Variants in RAP1GAP observed in about 807,000 individuals in gnomAD.
The protein encoded by RAP1GAP is RAP1 GTPase activating protein, also known as rap1 GTPase-activating protein 1.
In RAP1GAP, 35 loss-of-function variants were observed where a neutral mutation model predicts 87.2. The observed-to-expected ratio is 0.40, with a 90% confidence interval of 0.31 to 0.53. RAP1GAP has a LOEUF of 0.53. Among genes scored for constraint, RAP1GAP ranks in the 20% least tolerant of loss-of-function variants. The pLI, the probability that RAP1GAP is intolerant of heterozygous loss-of-function variation, is 0.48. For synonymous variants in RAP1GAP, 375 were observed against 363.9 expected, an observed-to-expected ratio of 1.03 and a Z score of -0.35; for missense variants, 734 against 898.9, an observed-to-expected ratio of 0.82 and a Z score of 2.35.
Position 21,651,720 on chromosome 1 carries a change from C to A in RAP1GAP, c.-148-1924G>T, listed in dbSNP as rs2096582771. 22 of 1,453,850 alleles carry A rather than the reference C, an allele frequency of 1.5e-5. No individual in the cohort carries two copies. The South Asian group carries it at 2.6e-4, about 17-fold the overall frequency. The allele number at this position is 1,453,850 out of a possible 1,614,324, so 90.1% of individuals were successfully genotyped here. A position where few individuals can be genotyped will look rare whatever the true frequency, so the allele number is the denominator to read the frequency against. ...GAGCACACCCCGCACGGGCTCCCCC[C>A]CACGCGTGCACACGCACACGCGCGC... On this transcript the variant is annotated intron_variant, in intron 1 of 24. Coordinates refer to ENST00000374765, the MANE Select transcript of RAP1GAP (RefSeq NM_002885.4).
chr1:21,612,254 A>C, intron 10 of RAP1GAP, 145 bp from the exon 11 acceptor site: 1 of 689,492 alleles, frequency 1.5e-6, no homozygotes, highest in Non-Finnish European at 2.6e-6. Flanking sequence ...GAGACAGTCC[A>C]GCTGTCCCCT....
chr1:21,609,300 C>T lies in RAP1GAP; in HGVS notation c.1071+275G>A, dbSNP rs555174013. 1.3e-5 allele frequency among the ~76,000 whole-genome samples: 2 copies of T among 151,394 alleles called. No homozygotes were observed. The highest frequency in any genetic ancestry group is 4.2e-4 in the South Asian group (2 of 4,812). ...AAACATTTTAGAAGAAAGAAAGAGA[C>T]TGGAACTGTCAGAAAGAGAACAGAA... On this transcript the variant is annotated intron_variant, in intron 15 of 24. Transcript: ENST00000374765. The surrounding 1 kb of genome is among the most constrained non-coding windows in gnomAD (Gnocchi z 4.4).
intron 17 of RAP1GAP, among the ~76,000 whole-genome samples, chr1:21,607,541 T>A: frequency 8.4e-6 from 1 of 118,364 alleles, no homozygotes; most frequent in African/African-American, 3.0e-5. Flanking sequence ...TTCACACACC[T>A]CTTCTGAGAA....
In RAP1GAP at chr1:21,600,926, G is replaced by A. The variant is rs142450619; in HGVS notation, c.1652+758C>T. 4.4e-3 allele frequency among the ~76,000 whole-genome samples: 624 copies of A among 141,506 alleles called. 4 individuals are homozygous for A. Among genetic ancestry groups the A allele is most frequent in the African/African-American group, 0.016 (594 of 37,862 alleles). 92.8% of individuals were successfully genotyped at this position (141,506 alleles called of 152,430 possible). A position where few individuals can be genotyped will look rare whatever the true frequency, so the allele number is the denominator to read the frequency against. On this transcript the variant is annotated intron_variant, in intron 20 of 24. Transcript: ENST00000374765. ...TCAAAGCTCTTGTACAGCCTGCTAA[G>A]CTATAAGCCAGTGTCTGCCCACCTC...
chr1:21,602,785 C>A lies in RAP1GAP; in HGVS notation c.1538+19G>T. 2 of 1,584,214 alleles carry A rather than the reference C, an allele frequency of 1.3e-6. No homozygotes were observed. Among genetic ancestry groups the A allele is most frequent in the Non-Finnish European group, 1.7e-6 (2 of 1,162,840 alleles). Reference sequence around the variant, plus strand: ...GATGGGGATGCAGGGGAATGGGGCACTGTCCCCCACTCACCCACCTCTTCT... The same window carrying A: ...GATGGGGATGCAGGGGAATGGGGCAATGTCCCCCACTCACCCACCTCTTCT... On this transcript the variant is annotated intron_variant, in intron 19 of 24. Coordinates refer to ENST00000374765, the MANE Select transcript of RAP1GAP (RefSeq NM_002885.4).
intron 17 of RAP1GAP, 142 bp from the exon 18 acceptor site, chr1:21,606,339 G>T: frequency 8.0e-7 from 1 of 1,255,602 alleles, no homozygotes; most frequent in Non-Finnish European, 1.1e-6. Context: ...TGGGCATGTG[G>T]CCAGCAGGGC....
At chr1:21,638,970 A>G (rs886124535) in intron 2 of RAP1GAP, among the ~76,000 whole-genome samples, 1 of 152,178 alleles carries the variant, frequency 6.6e-6, no homozygotes, top group African/African-American at 2.4e-5. Context: ...TTTCCCCTAC[A>G]TTAGGCATTA....
rs2096869226 is a variant in RAP1GAP, at chr1:21,656,447, A to AAC, written c.-148-6652_-148-6651insGT. On this transcript the variant is annotated intron_variant, in intron 1 of 24. Coordinates refer to ENST00000374765, the MANE Select transcript of RAP1GAP (RefSeq NM_002885.4). ...AAAAAAAAAAAAAAAAAAAAAAAAA[A>AAC]AAAAAAAGACCTAACAACGGAAAGA... Among the ~76,000 whole-genome samples the AAC allele has an allele frequency of 6.4e-5, 8 of 125,774 alleles. 1 individual carries two copies. Among genetic ancestry groups the AAC allele is most frequent in the African/African-American group, 9.0e-5 (3 of 33,434 alleles). 82.5% of individuals were successfully genotyped at this position (125,774 alleles called of 152,430 possible).
At position 21,596,803 on chromosome 1, in the gene RAP1GAP, C is replaced by T. The variant is rs1417976352; in HGVS notation, c.*496G>A. The T allele has an allele frequency of 6.6e-6, 1 of 152,312 alleles. No homozygotes were observed. Among genetic ancestry groups the T allele is most frequent in the Non-Finnish European group, 1.5e-5 (1 of 68,124 alleles). The allele number at this position is 152,312 out of a possible 1,614,324, so 9.4% of individuals were successfully genotyped here. On this transcript the variant is annotated 3_prime_UTR_variant, in exon 25 of 25. Transcript: ENST00000374765. ...GCCCAGAGAGGGAGAGTGACTTGCC[C>T]AGAGTCACACAGCAGAACCCAAATT...
chr1:21,663,400 C>A (rs1190141088), intron 1 of RAP1GAP, among the ~76,000 whole-genome samples: 3 of 152,230 alleles, frequency 2.0e-5, no homozygotes, highest in Non-Finnish European at 2.9e-5. Context: ...GGACCTCCAA[C>A]ACAGGGGAAG....
Position 21,649,769 on chromosome 1 carries a change from C to A in RAP1GAP, c.-121G>T. ...GAGTCCCCAGTACTCACCACACACT[C>A]CGGCGAGAAGTGAAGGACTTGTCCA... On this transcript the variant is annotated 5_prime_UTR_variant, in exon 2 of 25. Transcript: ENST00000374765. 6.4e-7 allele frequency: 1 copy of A among 1,552,556 alleles called. No individual in the cohort carries two copies. The highest frequency in any genetic ancestry group is 8.7e-7 in the Non-Finnish European group (1 of 1,147,546).
intron 2 of RAP1GAP, among the ~76,000 whole-genome samples, chr1:21,631,949 C>A (rs1332412631): frequency 6.6e-6 from 1 of 152,186 alleles, no homozygotes; most frequent in Admixed American, 6.5e-5. Flanking sequence ...CTGCAGCCAC[C>A]GCCAAGCGCC....
At chr1:21,626,831 C>T (rs1390889398) in intron 2 of RAP1GAP, 6 of 452,696 alleles carry the variant, frequency 1.3e-5, no homozygotes, top group Non-Finnish European at 2.2e-5. Context: ...ATGACAGTGA[C>T]CGTGACCATA....
rs772681310 is a variant in RAP1GAP, at chr1:21,611,503, G to A, written c.792C>T (p.Ile264=). The A allele has an allele frequency of 1.9e-6, 3 of 1,614,214 alleles. No individual in the cohort carries two copies. Among genetic ancestry groups the A allele is most frequent in the Non-Finnish European group, 1.7e-6 (2 of 1,180,032 alleles). ...GCAGCTTGGTGGACACGTGAAACAT[G>A]ATCTCCTTGTTGCGGAAGTTGCAGT... is the stretch of plus-strand genomic sequence containing the variant. ...SVYCNFRNKE[I]MFHVSTKLPY... is the part of the protein sequence containing the mutation. Residue 264 remains isoleucine, a synonymous_variant, in exon 13 of 25, where the codon ATC becomes ATT. Transcript: ENST00000374765.
chr1:21,601,635 C>G, intron 20 of RAP1GAP, 49 bp downstream of exon 20: 1 of 1,421,954 alleles, frequency 7.0e-7, no homozygotes, highest in Non-Finnish European at 9.7e-7. Flanking sequence ...AGGGGAAGGA[C>G]GGTTCACCAC....
intron 2 of RAP1GAP, among the ~76,000 whole-genome samples, chr1:21,626,737 C>T (rs2092263896): frequency 6.6e-6 from 1 of 152,154 alleles, no homozygotes; most frequent in African/African-American, 2.4e-5. Flanking sequence ...CAGGGTGCCC[C>T]CGCCTCTACA....
rs150728773 is a variant in RAP1GAP at position 21,604,717 on chromosome 1, G to A, written c.1428+1349C>T. The stretch of plus-strand genomic sequence containing the variant: ...AGGTCGGGGAATTCCCTCCTGCCAC[G>A]TGACATAGCCTCACAGCACTGAGCG... On this transcript the variant is annotated intron_variant, in intron 18 of 24. Coordinates refer to ENST00000374765, the MANE Select transcript of RAP1GAP (RefSeq NM_002885.4). Among the ~76,000 whole-genome samples, 354 of 152,138 alleles carry A rather than the reference G, an allele frequency of 2.3e-3. 3 individuals carry two copies. Among genetic ancestry groups the A allele is most frequent in the African/African-American group, 7.9e-3 (329 of 41,486 alleles).
chr1:21,599,653 C>T, intron 20 of RAP1GAP, 36 bp from the exon 21 acceptor site: 1 of 1,584,618 alleles, frequency 6.3e-7, no homozygotes, highest in East Asian at 2.2e-5. Flanking sequence ...CGGTGTCCAC[C>T]CCGAGCCCCT....
At chr1:21,636,066 C>A (rs931043242) in intron 2 of RAP1GAP, among the ~76,000 whole-genome samples, 1 of 152,216 alleles carries the variant, frequency 6.6e-6, no homozygotes, top group Non-Finnish European at 1.5e-5. Flanking sequence ...GAGAGTAACA[C>A]CAACTTTGCA....
Sources: allele counts gnomAD v4.1 joint callset (sites outside exome capture counted in the v4.1 genomes callset), GRCh38; gene constraint gnomAD v4.1.1; non-coding constraint Gnocchi (gnomAD v3.1); transcripts MANE v1.5; gene names NCBI Gene and HGNC (gene_info 2026-07-23, HGNC 2026-07-21).